TP63: variants seen among roughly 807,000 people sequenced by gnomAD.
TP63 encodes the protein tumor protein p63, also known as tumor protein 63.
Under a neutral mutation model 82.8 loss-of-function variants are expected in TP63, and 17 were observed. The observed-to-expected ratio is 0.21, with a 90% confidence interval of 0.14 to 0.31. The LOEUF (loss-of-function observed/expected upper bound fraction) is 0.31, where lower values mean the gene tolerates loss of function less well. Among genes scored for constraint, TP63 ranks in the 10% least tolerant of loss-of-function variants. The pLI, the probability that TP63 is intolerant of heterozygous loss-of-function variation, is 1.00. For missense variants in TP63, 648 were observed against 895.3 expected (o/e 0.72, Z 3.52); for synonymous variants, 330 against 321.7 (o/e 1.03, Z -0.28).
chr3:189,838,944 A>C (rs1271747697), intron 4 of TP63, among the ~76,000 whole-genome samples: 1 of 149,658 alleles, frequency 6.7e-6, no homozygotes, highest in Non-Finnish European at 1.5e-5. Flanking sequence ...AACCTTGGGG[A>C]CAGCTGTAGT....
At chr3:189,869,269 G>GTATATTAAATCTGATTAA in intron 8 of TP63, 55 bp from the exon 9 acceptor site, 2 of 1,272,638 alleles carry the variant, frequency 1.6e-6, no homozygotes, top group African/African-American at 1.5e-5. Context: ...TATTTAATAT[G>GTATATTAAATCTGATTAA]CATTAGTGCT....
At chr3:189,823,281 G>A (rs1235153731) in intron 4 of TP63, among the ~76,000 whole-genome samples, 3 of 152,164 alleles carry the variant, frequency 2.0e-5, no homozygotes, top group Middle Eastern at 3.2e-3. Flanking sequence ...AGGTAGGATG[G>A]GCCAGCCTAT....
intron 4 of TP63, among the ~76,000 whole-genome samples, chr3:189,834,478 G>A (rs909567735): frequency 2.0e-5 from 3 of 152,070 alleles, no homozygotes; most frequent in East Asian, 1.9e-4. Flanking sequence ...TTATGGACTC[G>A]CGTTTCCTCC....
chr3:189,868,789 A>G, intron 8 of TP63, 73 bp downstream of exon 8: 1 of 1,610,978 alleles, frequency 6.2e-7, no homozygotes, highest in South Asian at 1.1e-5. Flanking sequence ...GTGATATTGG[A>G]GAAGCTGCAT....
intron 12 of TP63, among the ~76,000 whole-genome samples, 176 bp from the exon 13 acceptor site, chr3:189,890,613 T>TCAC (rs1720916964): frequency 6.6e-6 from 1 of 152,206 alleles, no homozygotes; most frequent in South Asian, 2.1e-4. Context: ...AAACTTCATG[T>TCAC]CACCAGTAAT....
chr3:189,649,456 A>G (rs924905269), intron 1 of TP63, among the ~76,000 whole-genome samples: 2 of 146,686 alleles, frequency 1.4e-5, no homozygotes, highest in African/African-American at 5.1e-5. Context: ...GAAACAACAG[A>G]CACTGGGACC....
At chr3:189,607,697 A>G in the TP63 span, among the ~76,000 whole-genome samples, 1 of 151,942 alleles carries the variant, frequency 6.6e-6, no homozygotes, top group Non-Finnish European at 1.5e-5. Flanking sequence ...TATTACATAT[A>G]TATTTAAAAT....
In TP63 at chr3:189,740,647, G is replaced by A. The variant is rs1720915974; in HGVS notation, c.324+1873G>A. ...CCTGAGTAGCTGGGATTACAGGCATGTGCCACCACACCCGGCTGATTTTTG... is the reference window on the plus strand; with the variant it reads ...CCTGAGTAGCTGGGATTACAGGCATATGCCACCACACCCGGCTGATTTTTG... On this transcript the variant is annotated intron_variant, in intron 3 of 13. Transcript: ENST00000264731. Among the ~76,000 whole-genome samples the A allele has an allele frequency of 2.6e-5, 4 of 152,166 alleles. No individual in the cohort carries two copies. The South Asian group carries it at 8.3e-4, about 32-fold the overall frequency.
intron 1 of TP63, among the ~76,000 whole-genome samples, chr3:189,684,824 GT>G (rs1716302537): frequency 6.6e-6 from 1 of 151,808 alleles, no homozygotes; most frequent in African/African-American, 2.4e-5. Flanking sequence ...TAGAAATGGG[GT>G]TTCTCCATGT....
chr3:189,890,967 A>T, intron 13 of TP63, 85 bp downstream of exon 13: 1 of 1,379,930 alleles, frequency 7.2e-7, no homozygotes, highest in East Asian at 2.4e-5. Context: ...AATCCCTGAT[A>T]GTTTAAAAAT....
chr3:189,861,722 G>A (rs17448036), intron 4 of TP63, among the ~76,000 whole-genome samples: 91,107 of 151,970 alleles, frequency 0.6, 28,011 homozygotes, highest in African/African-American at 0.75. Flanking sequence ...GAGTCGGTAA[G>A]CATTGTAATT....
chr3:189,603,196 C>G, the TP63 span, among the ~76,000 whole-genome samples: 1 of 152,096 alleles, frequency 6.6e-6, no homozygotes, highest in East Asian at 1.9e-4. Flanking sequence ...ATCTTATCCT[C>G]TATATAAATA....
intron 3 of TP63, among the ~76,000 whole-genome samples, chr3:189,766,991 A>G (rs1332514024): frequency 1.3e-5 from 2 of 152,124 alleles, no homozygotes; most frequent in African/African-American, 4.8e-5. Context: ...TTAAGTATAT[A>G]TTTTCTTGGC....
the TP63 span, among the ~76,000 whole-genome samples, chr3:189,608,310 G>T: frequency 6.6e-6 from 1 of 152,088 alleles, no homozygotes; most frequent in African/African-American, 2.4e-5. Flanking sequence ...TAATGTCTGT[G>T]TAAAAACTTC....
intron 1 of TP63, among the ~76,000 whole-genome samples, chr3:189,722,744 G>T (rs1483442681): frequency 2.0e-5 from 3 of 152,126 alleles, no homozygotes; most frequent in African/African-American, 7.2e-5. Context: ...TTAAATATTC[G>T]TAAGGCACTT....
chr3:189,843,397 G>C (rs1310916327), intron 4 of TP63, among the ~76,000 whole-genome samples: 1 of 152,168 alleles, frequency 6.6e-6, no homozygotes, highest in Non-Finnish European at 1.5e-5. Context: ...AGCCTCCTTG[G>C]CTCAGGTAAT....
chr3:189,894,453 T>C lies in TP63; in HGVS notation c.1994T>C (p.Met665Thr). The C allele has an allele frequency of 6.2e-7, 1 of 1,614,028 alleles. No homozygotes were observed. The change falls in exon 14 of 14, where the codon ATG (methionine) becomes ACG (threonine). Residue 665 changes from methionine to threonine, a missense_variant. By Grantham distance (81) the Met-to-Thr change is moderately conservative. Around this residue, in one of 5 missense-constraint regions of TP63, gnomAD observed 342 missense variants for 425.7 expected, o/e 0.80. Coordinates refer to ENST00000264731, the MANE Select transcript of TP63 (RefSeq NM_003722.5). ...GAGTGGAATGACTTCAACTTTGACA[T>C]GGATGCTCGCCGCAATAAGCAACAG... ...RDEWNDFNFD[M>T]DARRNKQQRI... is the part of the protein sequence containing the mutation.
intron 3 of TP63, among the ~76,000 whole-genome samples, chr3:189,756,449 T>A (rs1722197618): frequency 6.6e-6 from 1 of 152,174 alleles, no homozygotes. Flanking sequence ...TGTTAAAGAG[T>A]GCCAAGTCGG....
rs1723856968 is a variant in TP63, at chr3:189,777,048, G to A, written c.325-31224G>A. 2.0e-5 allele frequency among the ~76,000 whole-genome samples: 3 copies of A among 152,140 alleles called. No individual in the cohort carries two copies. In the South Asian group the frequency reaches 6.2e-4, roughly 32 times the overall value. Reference sequence around the variant, plus strand: ...TAAACCTTTCTGGAAGCTTAAAGCTGAAGTATATTTCTCATATTTACTTCA... The same window carrying A: ...TAAACCTTTCTGGAAGCTTAAAGCTAAAGTATATTTCTCATATTTACTTCA... On this transcript the variant is annotated intron_variant, in intron 3 of 13. Coordinates refer to ENST00000264731, the MANE Select transcript of TP63 (RefSeq NM_003722.5).
Sources: gnomAD v4.1 joint callset for allele counts (sites outside exome capture counted in the v4.1 genomes callset) on GRCh38, gnomAD v4.1.1 for gene constraint, gnomAD v4.1.1 regional missense constraint, MANE v1.5 for transcripts, NCBI Gene and HGNC (gene_info 2026-07-23, HGNC 2026-07-21) for gene names.